Variants in METTL16 observed in about 807,000 individuals in gnomAD.
METTL16 encodes the protein RNA N(6)-adenosine-methyltransferase METTL16.
METTL16 carries 19 observed loss-of-function variants against 57.9 expected under a neutral mutation model. The ratio of observed to expected loss-of-function variants is 0.33; its 90% CI spans 0.23 to 0.48. METTL16 has a LOEUF of 0.48. METTL16 is among the 20% of genes least tolerant of loss of function. The pLI is 0.99. For missense variants in METTL16, 434 were observed against 691.5 expected, an observed-to-expected ratio of 0.63 and a Z score of 4.18; for synonymous variants, 246 against 255.6, an observed-to-expected ratio of 0.96 and a Z score of 0.36.
At chr17:2,474,475 G>A (rs566235810) in intron 3 of METTL16, among the ~76,000 whole-genome samples, 135 of 149,666 alleles carry the variant, frequency 9.0e-4, no homozygotes, top group Non-Finnish European at 1.3e-3. Flanking sequence ...TTGGAGCCAC[G>A]ACATCAGAGT....
Position 2,419,824 on chromosome 17 carries a change from G to T in METTL16, c.*146C>A. The T allele has an allele frequency of 2.1e-6, 2 of 969,220 alleles. No individual in the cohort carries two copies. The highest frequency in any genetic ancestry group is 3.2e-6 in the Non-Finnish European group (2 of 632,230). The allele number at this position is 969,220 out of a possible 1,614,324, so 60.0% of individuals were successfully genotyped here. On this transcript the variant is annotated 3_prime_UTR_variant, in exon 10 of 10. Coordinates refer to ENST00000263092, the MANE Select transcript of METTL16 (RefSeq NM_024086.4). ...AAAAGCGGGAAGGAGGCGGGGGGAG[G>T]TGGGGGACAGATTCATAGGTTTTTG...
chr17:2,489,447 G>C (rs902211950), intron 2 of METTL16, among the ~76,000 whole-genome samples: 33 of 152,216 alleles, frequency 2.2e-4, no homozygotes, highest in African/African-American at 7.9e-4. Context: ...CTGACGTCAG[G>C]AGTTTGAGAG....
At chr17:2,474,349 C>A (rs1597461040) in intron 3 of METTL16, among the ~76,000 whole-genome samples, 2 of 120,940 alleles carry the variant, frequency 1.7e-5, no homozygotes, top group Admixed American at 9.8e-5. Flanking sequence ...CTGAATTACC[C>A]AAATGTCTGT....
intron 1 of METTL16, among the ~76,000 whole-genome samples, chr17:2,510,100 C>G (rs936370939): frequency 6.6e-6 from 1 of 151,810 alleles, no homozygotes; most frequent in Non-Finnish European, 1.5e-5. Flanking sequence ...AGAAAATGTT[C>G]TTTCTTGTGA....
rs541014947 is a variant in METTL16, at chr17:2,477,030, A to T, written c.328+656T>A. ...AAAATAAAGCCCAACAGACACAGAC[A>T]TCAAAGTGGTAATCTGAAAAGCTAA... On this transcript the variant is annotated intron_variant, in intron 3 of 9. Coordinates refer to ENST00000263092, the MANE Select transcript of METTL16 (RefSeq NM_024086.4). 5.3e-5 allele frequency among the ~76,000 whole-genome samples: 8 copies of T among 151,430 alleles called. No individual in the cohort carries two copies. The South Asian group carries it at 1.3e-3, about 24-fold the overall frequency.
intron 6 of METTL16, among the ~76,000 whole-genome samples, chr17:2,451,462 T>G (rs2067069092): frequency 1.3e-5 from 2 of 151,692 alleles, no homozygotes; most frequent in African/African-American, 4.8e-5. Flanking sequence ...TATTAAAAAA[T>G]ACAAAAAAAT....
intron 2 of METTL16, among the ~76,000 whole-genome samples, chr17:2,485,922 G>A (rs936679374): frequency 5.3e-5 from 8 of 152,114 alleles, no homozygotes; most frequent in African/African-American, 1.9e-4. Flanking sequence ...GGTCAGAGGA[G>A]GCTTCCCTGC....
At chr17:2,506,859 G>A (rs1370642973) in intron 1 of METTL16, among the ~76,000 whole-genome samples, 3 of 150,374 alleles carry the variant, frequency 2.0e-5, no homozygotes, top group South Asian at 2.1e-4. Context: ...CTGCCCGGCC[G>A]CCCATCATCT....
intron 6 of METTL16, among the ~76,000 whole-genome samples, chr17:2,450,441 A>G (rs1348338313): frequency 6.6e-6 from 1 of 152,220 alleles, no homozygotes; most frequent in Non-Finnish European, 1.5e-5. Flanking sequence ...GGAAGCTGGG[A>G]GCAGAGTGTG....
chr17:2,438,297 A>T, intron 7 of METTL16, 99 bp from the exon 8 acceptor site: 1 of 856,424 alleles, frequency 1.2e-6, no homozygotes, highest in Non-Finnish European at 2.0e-6. Context: ...CCTTCTTTTT[A>T]ATCAGTTAAC....
chr17:2,474,311 G>A (rs1450706520), intron 3 of METTL16, among the ~76,000 whole-genome samples: 1 of 150,242 alleles, frequency 6.7e-6, no homozygotes, highest in Non-Finnish European at 1.5e-5. Flanking sequence ...AAATATGTAG[G>A]GTATAAAATG....
chr17:2,420,947 G>T lies in METTL16; in HGVS notation c.889-43C>A. ...CATAGAAAAGAGAAGAAAGTTATCC[G>T]AATAATTAAACCTCATGCATTGTAA... On this transcript the variant is annotated intron_variant, in intron 8 of 9. Coordinates refer to ENST00000263092, the MANE Select transcript of METTL16 (RefSeq NM_024086.4). The surrounding 1 kb of genome is among the most constrained non-coding windows in gnomAD (Gnocchi z 5.4). 1 of 1,593,988 alleles carries T rather than the reference G, an allele frequency of 6.3e-7. No homozygotes were observed. Among genetic ancestry groups the T allele is most frequent in the South Asian group, 1.1e-5 (1 of 88,630 alleles).
At chr17:2,477,074 G>T (rs1206785591) in intron 3 of METTL16, among the ~76,000 whole-genome samples, 1 of 152,124 alleles carries the variant, frequency 6.6e-6, no homozygotes, top group Non-Finnish European at 1.5e-5. Context: ...AGGCGTAGTG[G>T]CTCATGCCTG....
At chr17:2,458,835 C>T (rs1160731382) in intron 6 of METTL16, among the ~76,000 whole-genome samples, 2 of 149,948 alleles carry the variant, frequency 1.3e-5, no homozygotes, top group Non-Finnish European at 3.0e-5. Flanking sequence ...GAGATAGGGT[C>T]TCACTCTGTC....
intron 2 of METTL16, among the ~76,000 whole-genome samples, chr17:2,481,893 A>G (rs1241160705): frequency 6.6e-6 from 1 of 152,166 alleles, no homozygotes; most frequent in Non-Finnish European, 1.5e-5. Context: ...CTAGGCAAGT[A>G]AGCTAAACAA....
intron 6 of METTL16, among the ~76,000 whole-genome samples, chr17:2,451,778 C>T (rs1454726421): frequency 6.6e-6 from 1 of 151,980 alleles, no homozygotes; most frequent in Non-Finnish European, 1.5e-5. Flanking sequence ...TAACAGTTTC[C>T]TTTAAAACTA....
chr17:2,471,194 CAG>C (rs2067232204), intron 4 of METTL16, among the ~76,000 whole-genome samples: 1 of 152,174 alleles, frequency 6.6e-6, no homozygotes, highest in African/African-American at 2.4e-5. Flanking sequence ...TAGAAAGTAA[CAG>C]AGTCCTGCTC....
At chr17:2,422,140 C>T (rs189475421) in intron 8 of METTL16, among the ~76,000 whole-genome samples, 1 of 152,028 alleles carries the variant, frequency 6.6e-6, no homozygotes, top group Admixed American at 6.5e-5. Flanking sequence ...GGTGAAACCC[C>T]GTCTCTACCA....
chr17:2,496,653 G>A (rs755229155), intron 2 of METTL16, among the ~76,000 whole-genome samples: 4 of 151,430 alleles, frequency 2.6e-5, no homozygotes, highest in South Asian at 2.1e-4. Context: ...CTGTAATTCC[G>A]TTTTAGGTAT....
Sources: gnomAD v4.1 joint callset for allele counts (sites outside exome capture counted in the v4.1 genomes callset) on GRCh38, gnomAD v4.1.1 for gene constraint, Gnocchi (gnomAD v3.1) non-coding constraint, MANE v1.5 for transcripts, NCBI Gene and HGNC (gene_info 2026-07-23, HGNC 2026-07-21) for gene names.